PRKD1: variants seen among roughly 807,000 people sequenced by gnomAD.
PRKD1 encodes the protein protein kinase D1.
Under a neutral mutation model 95.9 loss-of-function variants are expected in PRKD1, and 63 were observed. The ratio of observed to expected loss-of-function variants is 0.66; its 90% CI spans 0.54 to 0.81. PRKD1 has a LOEUF of 0.81. Among genes scored for constraint, PRKD1 ranks in the 30% least tolerant of loss-of-function variants. The probability of loss-of-function intolerance (pLI) is 0.00; values close to 1 mark genes in which losing one functional copy is unlikely to be tolerated. For missense variants in PRKD1, 1,048 were observed against 1,165.3 expected (o/e 0.90, Z 1.47); for synonymous variants, 425 against 423.1 (o/e 1.00, Z -0.05).
rs115469544 is a variant in PRKD1, at chr14:29,791,241, C to T, written c.265-65567G>A. On this transcript the variant is annotated intron_variant, in intron 1 of 17. Transcript: ENST00000331968. ...CTACCTCATCATTTTATCATTTCCA[C>T]GTAATAACATGCATTACAATTCCCA... Among the ~76,000 whole-genome samples the T allele has an allele frequency of 4.0e-3, 606 of 152,210 alleles. 5 individuals are homozygous for T. Among genetic ancestry groups the T allele is most frequent in the African/African-American group, 0.014 (563 of 41,538 alleles).
intron 16 of PRKD1, among the ~76,000 whole-genome samples, chr14:29,581,503 T>A (rs891321378): frequency 6.6e-6 from 1 of 152,096 alleles, no homozygotes; most frequent in Non-Finnish European, 1.5e-5. Context: ...TTGGTCAAAG[T>A]CAGACAGCTC....
At chr14:29,765,292 A>G (rs1000493205) in intron 1 of PRKD1, among the ~76,000 whole-genome samples, 4 of 152,184 alleles carry the variant, frequency 2.6e-5, no homozygotes, top group African/African-American at 9.7e-5. Context: ...CACATGCGAA[A>G]GTGCTTCACT....
chr14:29,909,020 G>C (rs1179779785), intron 1 of PRKD1, among the ~76,000 whole-genome samples: 1 of 152,202 alleles, frequency 6.6e-6, no homozygotes, highest in Non-Finnish European at 1.5e-5. Flanking sequence ...GGGAACCAGG[G>C]CTGCGAGTGG....
intron 1 of PRKD1, among the ~76,000 whole-genome samples, chr14:29,820,535 G>A (rs1440196734): frequency 6.6e-6 from 1 of 152,156 alleles, no homozygotes; most frequent in Non-Finnish European, 1.5e-5. Flanking sequence ...AGTGAGAAGG[G>A]AATTCCAGGT....
chr14:29,597,688 G>A lies in PRKD1; in HGVS notation c.2237C>T (p.Thr746Ile). 1 of 1,613,926 alleles carries A rather than the reference G, an allele frequency of 6.2e-7. No homozygotes were observed. The highest frequency in any genetic ancestry group is 8.5e-7 in the Non-Finnish European group (1 of 1,179,902). The change falls in exon 16 of 18, where the codon ACC becomes ATC. Residue 746 changes from threonine (T) to isoleucine (I), a missense_variant. By Grantham distance (89) the Thr-to-Ile change is moderately conservative. This residue lies in a region of PRKD1 where 739 missense variants were observed against 861.9 expected (regional missense o/e 0.86). Coordinates refer to ENST00000331968, the MANE Select transcript of PRKD1 (RefSeq NM_002742.3). ...EKSFRRSVVG[T>I]PAYLAPEVLR... The stretch of plus-strand genomic sequence containing the variant: ...GACCTCAGGAGCCAGGTAAGCGGGG[G>A]TACCCACCACTGACCTCCGGAAAGA...
rs371742544 is a variant in PRKD1 at position 29,699,999 on chromosome 14, C to A, written c.403+25537G>T. Among the ~76,000 whole-genome samples the A allele has an allele frequency of 5.1e-4, 78 of 151,876 alleles. 1 individual carries two copies. In the East Asian group the frequency reaches 0.014, roughly 27 times the overall value. On this transcript the variant is annotated intron_variant, in intron 2 of 17. Coordinates refer to ENST00000331968, the MANE Select transcript of PRKD1 (RefSeq NM_002742.3). The stretch of plus-strand genomic sequence containing the variant: ...AAGTTTTATTTAAAAGATTTTAAAA[C>A]CAAAAGAAAGAAAGGTATAGTAAGC...
At chr14:29,697,795 C>A (rs938929602) in intron 2 of PRKD1, among the ~76,000 whole-genome samples, 2 of 152,022 alleles carry the variant, frequency 1.3e-5, no homozygotes, top group African/African-American at 4.8e-5. Flanking sequence ...TAATGTATTC[C>A]TGTTTGACAT....
chr14:29,692,290 C>A (rs1305760036), intron 2 of PRKD1, among the ~76,000 whole-genome samples: 1 of 151,762 alleles, frequency 6.6e-6, no homozygotes, highest in Non-Finnish European at 1.5e-5. Context: ...AGTCCAAGTG[C>A]ACCTGTTGGA....
At chr14:29,712,860 A>T (rs1252109306) in intron 2 of PRKD1, among the ~76,000 whole-genome samples, 1 of 152,184 alleles carries the variant, frequency 6.6e-6, no homozygotes, top group Non-Finnish European at 1.5e-5. Context: ...TGAGTTATTG[A>T]ACTGAAGTGC....
chr14:29,783,124 G>T (rs1889122230), intron 1 of PRKD1, among the ~76,000 whole-genome samples: 1 of 152,036 alleles, frequency 6.6e-6, no homozygotes, highest in South Asian at 2.1e-4. Flanking sequence ...CTGTGTGTTT[G>T]TACCCGATAA....
At chr14:29,921,574 T>A (rs928575645) in intron 1 of PRKD1, among the ~76,000 whole-genome samples, 4 of 152,178 alleles carry the variant, frequency 2.6e-5, no homozygotes, top group Admixed American at 2.0e-4. Flanking sequence ...TTCATTGACT[T>A]ACAAATGTTC....
At position 29,927,615 on chromosome 14, in the gene PRKD1, C is replaced by T; in HGVS notation, c.-103G>A. The T allele has an allele frequency of 1.1e-6, 1 of 945,092 alleles. No individual in the cohort carries two copies. The highest frequency in any genetic ancestry group is 1.3e-6 in the Non-Finnish European group (1 of 771,490). 58.5% of individuals were successfully genotyped at this position (945,092 alleles called of 1,614,324 possible). A position where few individuals can be genotyped will look rare whatever the true frequency, so the allele number is the denominator to read the frequency against. Reference sequence around the variant, plus strand: ...AGCCAGGAGCTTCTTTCTCCGAGAGCCCAGACGGAAAATAAAAACTTTCCG... The same window carrying T: ...AGCCAGGAGCTTCTTTCTCCGAGAGTCCAGACGGAAAATAAAAACTTTCCG... On this transcript the variant is annotated 5_prime_UTR_variant, in exon 1 of 18. Coordinates refer to ENST00000331968, the MANE Select transcript of PRKD1 (RefSeq NM_002742.3).
intron 1 of PRKD1, among the ~76,000 whole-genome samples, chr14:29,865,221 T>TG (rs539887970): frequency 7.9e-5 from 12 of 152,276 alleles, no homozygotes; most frequent in African/African-American, 2.9e-4. Flanking sequence ...AGTGGGTGAC[T>TG]GTTTGTCTTA....
intron 1 of PRKD1, among the ~76,000 whole-genome samples, chr14:29,735,883 T>C (rs1182463408): frequency 1.3e-5 from 2 of 152,224 alleles, no homozygotes; most frequent in African/African-American, 4.8e-5. Context: ...ATTATGTTTC[T>C]TTATAAGGGT....
chr14:29,759,197 G>A (rs1887854684), intron 1 of PRKD1, among the ~76,000 whole-genome samples: 1 of 152,036 alleles, frequency 6.6e-6, no homozygotes, highest in Middle Eastern at 3.2e-3. Context: ...GTGTGGATTA[G>A]GTGCATAGGC....
At chr14:29,767,897 T>A (rs966821753) in intron 1 of PRKD1, among the ~76,000 whole-genome samples, 1 of 152,222 alleles carries the variant, frequency 6.6e-6, no homozygotes. Flanking sequence ...TTAACAATTG[T>A]TGCTTTTGAG....
At position 29,595,164 on chromosome 14, in the gene PRKD1, G is replaced by A. The variant is rs34996900; in HGVS notation, c.2434+2327C>T. Among the ~76,000 whole-genome samples, 1,347 of 152,226 alleles carry A rather than the reference G, an allele frequency of 8.8e-3. 11 individuals are homozygous for A. The highest frequency in any genetic ancestry group is 0.017 in the Middle Eastern group (5 of 292). ...TCATCTGAGTGGTAGGAAATTTTTA[G>A]TGCTTAGACATTTCTATAGCCAAGT... On this transcript the variant is annotated intron_variant, in intron 16 of 17. Coordinates refer to ENST00000331968, the MANE Select transcript of PRKD1 (RefSeq NM_002742.3).
intron 8 of PRKD1, among the ~76,000 whole-genome samples, chr14:29,633,933 G>A (rs557856659): frequency 9.2e-5 from 14 of 152,266 alleles, no homozygotes; most frequent in Admixed American, 3.3e-4. Context: ...TCTTACGTAC[G>A]TACACAACCT....
chr14:29,799,776 C>T (rs1262326826), intron 1 of PRKD1, among the ~76,000 whole-genome samples: 1 of 152,204 alleles, frequency 6.6e-6, no homozygotes, highest in Non-Finnish European at 1.5e-5. Context: ...GCAGTGCTTT[C>T]GGGGTCACTT....
Sources: gnomAD v4.1 joint callset for allele counts (sites outside exome capture counted in the v4.1 genomes callset) on GRCh38, gnomAD v4.1.1 for gene constraint, gnomAD v4.1.1 regional missense constraint, MANE v1.5 for transcripts, NCBI Gene and HGNC (gene_info 2026-07-23, HGNC 2026-07-21) for gene names.